PAK5: variants seen among roughly 807,000 people sequenced by gnomAD.
The protein encoded by PAK5 is serine/threonine-protein kinase PAK 5.
Under a neutral mutation model 65.9 loss-of-function variants are expected in PAK5, and 16 were observed. That is an observed-to-expected ratio of 0.24 (90% CI 0.16 to 0.37). The LOEUF (loss-of-function observed/expected upper bound fraction) is 0.37, where lower values mean the gene tolerates loss of function less well. Ranked by LOEUF, PAK5 falls within the 10% of genes least tolerant of loss-of-function variation. PAK5 has a pLI of 1.00. For synonymous variants in PAK5, 371 were observed against 354.9 expected (o/e 1.05, Z -0.51); for missense variants, 785 against 903.9 (o/e 0.87, Z 1.69).
chr20:9,655,232 T>C (rs570743782), intron 2 of PAK5, among the ~76,000 whole-genome samples: 1 of 152,318 alleles, frequency 6.6e-6, no homozygotes, highest in South Asian at 2.1e-4. Context: ...CAGCTCACAG[T>C]TGTGGATGGT....
intron 3 of PAK5, among the ~76,000 whole-genome samples, chr20:9,616,372 A>T (rs2046655730): frequency 6.6e-6 from 1 of 152,180 alleles, no homozygotes; most frequent in South Asian, 2.1e-4. Flanking sequence ...TCTAATGTCA[A>T]CGCCAGATGT....
At chr20:9,582,907 G>T (rs1480127521) in intron 3 of PAK5, among the ~76,000 whole-genome samples, 1 of 152,138 alleles carries the variant, frequency 6.6e-6, no homozygotes, top group Non-Finnish European at 1.5e-5. Context: ...AGTTCTCTCA[G>T]GCTGGCTGCT....
chr20:9,607,487 C>T (rs893743328), intron 3 of PAK5, among the ~76,000 whole-genome samples: 4 of 152,122 alleles, frequency 2.6e-5, no homozygotes, highest in Non-Finnish European at 5.9e-5. Context: ...AAATAAGTGG[C>T]AGTAAGGTCT....
intron 1 of PAK5, among the ~76,000 whole-genome samples, chr20:9,742,257 C>T (rs1043473911): frequency 7.2e-5 from 11 of 152,126 alleles, no homozygotes; most frequent in African/African-American, 1.9e-4. Flanking sequence ...GTGTACACTG[C>T]TTCTTCTATG....
intron 2 of PAK5, among the ~76,000 whole-genome samples, chr20:9,707,489 C>A (rs887964760): frequency 6.6e-6 from 1 of 152,128 alleles, no homozygotes; most frequent in South Asian, 2.1e-4. Flanking sequence ...GTTTTCTTCC[C>A]GGTAGATTGT....
chr20:9,820,857 A>C (rs1229334381), intron 1 of PAK5, among the ~76,000 whole-genome samples: 1 of 119,580 alleles, frequency 8.4e-6, no homozygotes, highest in African/African-American at 3.3e-5. Context: ...GCAGAACTGT[A>C]ACACTCAGGT....
intron 1 of PAK5, among the ~76,000 whole-genome samples, chr20:9,713,792 C>A (rs2048108111): frequency 6.6e-6 from 1 of 151,796 alleles, no homozygotes; most frequent in South Asian, 2.1e-4. Flanking sequence ...CACATGGGAG[C>A]TAAAAAAATG....
intron 2 of PAK5, among the ~76,000 whole-genome samples, chr20:9,661,793 T>G (rs1219530352): frequency 5.9e-5 from 9 of 152,192 alleles, no homozygotes; most frequent in Admixed American, 1.3e-4. Flanking sequence ...AAATTTGTAT[T>G]TCTTTTCTCC....
chr20:9,766,502 A>G (rs1373329483), intron 1 of PAK5, among the ~76,000 whole-genome samples: 1 of 41,840 alleles, frequency 2.4e-5, no homozygotes, highest in Non-Finnish European at 3.9e-5. Flanking sequence ...CAGAATATAT[A>G]TATATATATA....
At chr20:9,548,405 T>G (rs894076547) in intron 7 of PAK5, among the ~76,000 whole-genome samples, 1 of 152,102 alleles carries the variant, frequency 6.6e-6, no homozygotes, top group African/African-American at 2.4e-5. Context: ...TACTTTAAGT[T>G]TTAGGGTACA....
intron 1 of PAK5, among the ~76,000 whole-genome samples, chr20:9,790,915 C>A (rs1356911847): frequency 6.6e-6 from 1 of 152,070 alleles, no homozygotes; most frequent in East Asian, 1.9e-4. Flanking sequence ...AGATCTGGTC[C>A]TCATCTTCCG....
At chr20:9,786,212 A>G (rs910253013) in intron 1 of PAK5, among the ~76,000 whole-genome samples, 1 of 152,124 alleles carries the variant, frequency 6.6e-6, no homozygotes, top group Non-Finnish European at 1.5e-5. Flanking sequence ...ACAACTTCAC[A>G]TTCCCATGCC....
At chr20:9,830,402 A>G (rs1978614608) in intron 1 of PAK5, among the ~76,000 whole-genome samples, 1 of 152,218 alleles carries the variant, frequency 6.6e-6, no homozygotes, top group South Asian at 2.1e-4. Context: ...TGATCTAAGT[A>G]TGATCTTTTA....
At chr20:9,743,421 AAAAC>A (rs1555920456) in intron 1 of PAK5, among the ~76,000 whole-genome samples, 11 of 151,392 alleles carry the variant, frequency 7.3e-5, no homozygotes, top group African/African-American at 2.7e-4. Flanking sequence ...AAAACAAAAC[AAAAC>A]AAACAAACAA....
At chr20:9,722,241 C>A (rs991224565) in intron 1 of PAK5, among the ~76,000 whole-genome samples, 3 of 152,080 alleles carry the variant, frequency 2.0e-5, no homozygotes, top group African/African-American at 7.2e-5. Flanking sequence ...TTAGCATGTA[C>A]AAATGTCCTG....
At chr20:9,801,562 C>A (rs2049169338) in intron 1 of PAK5, among the ~76,000 whole-genome samples, 1 of 150,736 alleles carries the variant, frequency 6.6e-6, no homozygotes, top group Non-Finnish European at 1.5e-5. Context: ...TCATATGGAG[C>A]TTTTAATAGA....
At chr20:9,827,787 G>A (rs1162926649) in intron 1 of PAK5, among the ~76,000 whole-genome samples, 1 of 151,258 alleles carries the variant, frequency 6.6e-6, no homozygotes. Context: ...GTGGAGACAG[G>A]GAAGGGGGCA....
chr20:9,563,546 G>A (rs534489673), intron 5 of PAK5, among the ~76,000 whole-genome samples: 3 of 152,254 alleles, frequency 2.0e-5, no homozygotes, highest in African/African-American at 7.2e-5. Context: ...AGAGATATTT[G>A]GGCTGAATTG....
intron 2 of PAK5, among the ~76,000 whole-genome samples, chr20:9,679,860 C>T (rs1421883288): frequency 6.6e-6 from 1 of 152,242 alleles, no homozygotes; most frequent in African/African-American, 2.4e-5. Flanking sequence ...AAGCGCATCT[C>T]AGGAATGCTG....
Sources: allele counts gnomAD v4.1 joint callset (sites outside exome capture counted in the v4.1 genomes callset), GRCh38; gene constraint gnomAD v4.1.1; transcripts MANE v1.5; gene names NCBI Gene and HGNC (gene_info 2026-07-23, HGNC 2026-07-21).